RUBCNL: variants seen among roughly 807,000 people sequenced by gnomAD.
RUBCNL encodes protein associated with UVRAG as autophagy enhancer.
Under a neutral mutation model 69.5 loss-of-function variants are expected in RUBCNL, and 62 were observed. That is an observed-to-expected ratio of 0.89 (90% CI 0.73 to 1.10). The LOEUF is 1.10. RUBCNL is among the 50% of genes least tolerant of loss of function. The pLI, the probability that RUBCNL is intolerant of heterozygous loss-of-function variation, is 0.00. For missense variants in RUBCNL, 768 were observed against 798.1 expected, an observed-to-expected ratio of 0.96 and a Z score of 0.45; for synonymous variants, 291 against 303.6, an observed-to-expected ratio of 0.96 and a Z score of 0.43.
At chr13:46,349,046 CCT>C (rs1432677213) in intron 12 of RUBCNL, among the ~76,000 whole-genome samples, 1 of 152,196 alleles carries the variant, frequency 6.6e-6, no homozygotes, top group Non-Finnish European at 1.5e-5. Context: ...GTCAATTAAA[CCT>C]CTTTCCTTTA....
intron 3 of RUBCNL, among the ~76,000 whole-genome samples, chr13:46,369,216 T>TTTC (rs1046971825): frequency 3.3e-5 from 5 of 152,142 alleles, no homozygotes; most frequent in Non-Finnish European, 7.3e-5. Flanking sequence ...TTAAACTTCC[T>TTTC]TTCTTCTTCT....
At position 46,345,452 on chromosome 13, in the gene RUBCNL, A is replaced by T. The variant is rs748032451; in HGVS notation, c.1780T>A (p.Cys594Ser). 7 of 1,559,010 alleles carry T rather than the reference A, an allele frequency of 4.5e-6. No homozygotes were observed. The highest frequency in any genetic ancestry group is 3.5e-6 in the Non-Finnish European group (4 of 1,151,668). Residue 594 changes from cysteine (C) to serine (S), a missense_variant, in exon 13 of 15, where the codon TGT becomes AGT. Physicochemically the swap from Cys to Ser is moderately radical, Grantham distance 112. Transcript: ENST00000429979. ...LKASLAHVAG[C>S]ELCQGKGFIC... ...TGCTCTGGGTGCACCCTCACCTCACAGCCAGCCACATGTGCAAGGGAAGCT... is the reference window on the plus strand; with the variant it reads ...TGCTCTGGGTGCACCCTCACCTCACTGCCAGCCACATGTGCAAGGGAAGCT...
chr13:46,375,508 G>A (rs2761953), intron 2 of RUBCNL, among the ~76,000 whole-genome samples: 58,747 of 151,578 alleles, frequency 0.39, 11,906 homozygotes, highest in East Asian at 0.58. Flanking sequence ...ACTCCAGCCT[G>A]GACGACAGCG....
chr13:46,345,696 A>ATT, intron 12 of RUBCNL, 96 bp from the exon 13 acceptor site: 1 of 1,213,070 alleles, frequency 8.2e-7, no homozygotes, highest in Non-Finnish European at 1.1e-6. Flanking sequence ...CTCACACTTA[A>ATT]TTTTTTTTTA....
rs1372197747 is a variant in RUBCNL at position 46,341,736 on chromosome 13, T to G, written c.*1649A>C. Among the ~76,000 whole-genome samples, 2 of 152,202 alleles carry G rather than the reference T, an allele frequency of 1.3e-5. No homozygotes were observed. Among genetic ancestry groups the G allele is most frequent in the African/African-American group, 4.8e-5 (2 of 41,456 alleles). On this transcript the variant is annotated 3_prime_UTR_variant, in exon 15 of 15. Coordinates refer to ENST00000429979, the MANE Select transcript of RUBCNL (RefSeq NM_025113.5). ...AGCAACACTTACCAGTTAAGGTTGT[T>G]TTTACTCCTTTGTCTTGAAAAGACA... is the stretch of plus-strand genomic sequence containing the variant.
intron 1 of RUBCNL, 50 bp downstream of exon 1, chr13:46,387,084 C>G: frequency 1.0e-6 from 1 of 985,694 alleles, no homozygotes; most frequent in Non-Finnish European, 1.2e-6. Flanking sequence ...TCCAACCACC[C>G]TCTCCACCCC....
chr13:46,363,844 G>C (rs1186955003), intron 5 of RUBCNL, among the ~76,000 whole-genome samples: 1 of 148,306 alleles, frequency 6.7e-6, no homozygotes, highest in Non-Finnish European at 1.5e-5. Flanking sequence ...CTGGGTGACA[G>C]AGTAAGACCC....
intron 9 of RUBCNL, among the ~76,000 whole-genome samples, chr13:46,357,623 TTTTC>T (rs2048518892): frequency 1.4e-5 from 2 of 139,702 alleles, no homozygotes; most frequent in Admixed American, 1.5e-4. Context: ...CATTGAGGAA[TTTTC>T]TTTCTTTTTT....
At position 46,339,210 on chromosome 13, in the gene RUBCNL, G is replaced by A. The variant is rs552548189; in HGVS notation, c.*4175C>T. On this transcript the variant is annotated 3_prime_UTR_variant, in exon 15 of 15. Transcript: ENST00000429979. ...GTGCTGAAGCTTCCCAATTGTGTCT[G>A]CAGCCTGCTACCTCAGCATTACTCA... 4.6e-5 allele frequency among the ~76,000 whole-genome samples: 7 copies of A among 152,246 alleles called. No homozygotes were observed. The South Asian group carries it at 1.5e-3, about 32-fold the overall frequency.
chr13:46,365,428 G>A (rs1323942), intron 5 of RUBCNL, among the ~76,000 whole-genome samples: 6,310 of 152,110 alleles, frequency 0.041, 421 homozygotes, highest in East Asian at 0.33. Flanking sequence ...GCAAGGTTCT[G>A]CACTACACAA....
At chr13:46,367,892 A>C (rs1406564912) in intron 5 of RUBCNL, 150 bp downstream of exon 5, 1 of 722,772 alleles carries the variant, frequency 1.4e-6, no homozygotes, top group South Asian at 1.8e-5. Context: ...AGAACAAAAA[A>C]AAAGTAGTGT....
intron 12 of RUBCNL, among the ~76,000 whole-genome samples, chr13:46,348,970 G>A (rs1421520743): frequency 6.6e-6 from 1 of 152,072 alleles, no homozygotes; most frequent in Non-Finnish European, 1.5e-5. Context: ...CATGTAAGAC[G>A]TGCTTTTGCT....
chr13:46,368,253 C>T lies in RUBCNL; in HGVS notation c.619-4G>A, dbSNP rs2048803143. ...CAACATAAAAGTGGGCATTTTCCTG[C>T]AGAAAAAGAAATCAATTAAAATACA... On this transcript the variant is annotated splice_polypyrimidine_tract_variant and splice_region_variant and intron_variant, in intron 4 of 14. Transcript: ENST00000429979. 1 of 1,609,500 alleles carries T rather than the reference C, an allele frequency of 6.2e-7. No homozygotes were observed. Among genetic ancestry groups the T allele is most frequent in the Admixed American group, 1.7e-5 (1 of 59,334 alleles).
rs1466065544 is a variant in RUBCNL, at chr13:46,339,417, T to TGGA, written c.*3967_*3968insTCC. On this transcript the variant is annotated 3_prime_UTR_variant, in exon 15 of 15. Coordinates refer to ENST00000429979, the MANE Select transcript of RUBCNL (RefSeq NM_025113.5). Reference sequence around the variant, plus strand: ...TGAGTTCAGGAAGGCTTCCTGCAGGTAGCATCTGACGGTGGCTAAGCCAGC... The same window carrying TGGA: ...TGAGTTCAGGAAGGCTTCCTGCAGGTGGAAGCATCTGACGGTGGCTAAGCCAGC... 6.6e-6 allele frequency among the ~76,000 whole-genome samples: 1 copy of TGGA among 152,182 alleles called. No individual in the cohort carries two copies.
At chr13:46,382,029 G>A (rs1383982413) in intron 1 of RUBCNL, among the ~76,000 whole-genome samples, 1 of 152,082 alleles carries the variant, frequency 6.6e-6, no homozygotes, top group Non-Finnish European at 1.5e-5. Context: ...TCAAACTCCT[G>A]GCCTCAAGCA....
intron 2 of RUBCNL, among the ~76,000 whole-genome samples, chr13:46,372,824 C>A (rs2048908419): frequency 6.6e-6 from 1 of 152,086 alleles, no homozygotes; most frequent in African/African-American, 2.4e-5. Context: ...TTCTTCAAAG[C>A]ATAAAATTAA....
rs1171623109 is a variant in RUBCNL at position 46,363,183 on chromosome 13, G to A, written c.857C>T (p.Thr286Ile). ...GCAVLQVSPVTETRTYHDVKE... is the reference protein window; with the variant it reads ...GCAVLQVSPVIETRTYHDVKE... ...CACATCATGGTAAGTACGTGTTTCA[G>A]TCACTGGGCTGACCTGTAACACAGC... Residue 286 changes from threonine (T) to isoleucine (I), a missense_variant, in exon 6 of 15, where the codon ACT becomes ATT. Physicochemically the swap from Thr to Ile is moderately conservative, Grantham distance 89 (BLOSUM62 -1). Transcript: ENST00000429979. The A allele has an allele frequency of 6.3e-7, 1 of 1,596,498 alleles. No homozygotes were observed. The highest frequency in any genetic ancestry group is 8.5e-7 in the Non-Finnish European group (1 of 1,171,248).
At chr13:46,351,627 C>T (rs192192918) in intron 10 of RUBCNL, among the ~76,000 whole-genome samples, 20 of 152,252 alleles carry the variant, frequency 1.3e-4, no homozygotes, top group Admixed American at 1.1e-3. Context: ...ACATGAAATG[C>T]TGTACAGCCC....
At chr13:46,354,784 C>T (rs1297757025) in intron 10 of RUBCNL, 1 of 456,498 alleles carries the variant, frequency 2.2e-6, no homozygotes, top group Non-Finnish European at 4.4e-6. Context: ...GTGTATCTTC[C>T]CTAAAAGATG....
Sources: allele counts gnomAD v4.1 joint callset (sites outside exome capture counted in the v4.1 genomes callset), GRCh38; gene constraint gnomAD v4.1.1; transcripts MANE v1.5; gene names NCBI Gene and HGNC (gene_info 2026-07-23, HGNC 2026-07-21).